Variants in USP25 observed in about 807,000 individuals in gnomAD.
The protein encoded by USP25 is ubiquitin carboxyl-terminal hydrolase 25.
A neutral mutation model predicts 158.5 loss-of-function variants in USP25; 85 were observed. The ratio of observed to expected loss-of-function variants is 0.54; its 90% CI spans 0.45 to 0.64. The LOEUF (loss-of-function observed/expected upper bound fraction) is 0.64. USP25 is among the 30% of genes least tolerant of loss of function. The probability of loss-of-function intolerance (pLI) is 0.00; values close to 1 mark genes in which losing one functional copy is unlikely to be tolerated. For missense variants in USP25, 1,242 were observed against 1,327.3 expected (o/e 0.94, Z 1.00); for synonymous variants, 464 against 460.4 (o/e 1.01, Z -0.10).
intron 3 of USP25, among the ~76,000 whole-genome samples, chr21:15,771,913 A>G (rs1168075578): frequency 2.0e-5 from 3 of 152,090 alleles, no homozygotes; most frequent in Non-Finnish European, 4.4e-5. Context: ...TTTTTTTTAA[A>G]AAAAGTATTT....
intron 2 of USP25, among the ~76,000 whole-genome samples, chr21:15,763,255 G>T (rs2033842874): frequency 6.6e-6 from 1 of 152,082 alleles, no homozygotes; most frequent in Non-Finnish European, 1.5e-5. Context: ...CTAATGGATG[G>T]TTTTACTTAC....
intron 12 of USP25, among the ~76,000 whole-genome samples, 199 bp downstream of exon 12, chr21:15,825,260 T>C (rs1026325656): frequency 6.6e-6 from 1 of 152,232 alleles, no homozygotes; most frequent in Non-Finnish European, 1.5e-5. Context: ...AAATTAAATA[T>C]CTCATTGTCA....
intron 1 of USP25, among the ~76,000 whole-genome samples, chr21:15,759,323 A>G (rs148534186): frequency 2.4e-3 from 361 of 152,336 alleles, no homozygotes; most frequent in African/African-American, 8.2e-3. Context: ...ACAAGTCTCA[A>G]TCAATTTAGA....
At chr21:15,770,362 C>G (rs943553847) in intron 3 of USP25, among the ~76,000 whole-genome samples, 1 of 152,094 alleles carries the variant, frequency 6.6e-6, no homozygotes, top group African/African-American at 2.4e-5. Context: ...TGATTAGATG[C>G]ATTTTATTAG....
chr21:15,836,367 T>G (rs1019828301), intron 17 of USP25, among the ~76,000 whole-genome samples: 2 of 152,250 alleles, frequency 1.3e-5, no homozygotes, highest in Non-Finnish European at 2.9e-5. Context: ...CCAGCACCAT[T>G]CGTTCCCTAC....
chr21:15,807,611 C>T (rs1427228014), intron 7 of USP25, among the ~76,000 whole-genome samples: 1 of 152,156 alleles, frequency 6.6e-6, no homozygotes, highest in Non-Finnish European at 1.5e-5. Flanking sequence ...GTTGGTGTTC[C>T]TTGCCTTGAG....
rs1168426801 is a variant in USP25 at position 15,831,635 on chromosome 21, A to G, written c.1993+6A>G. 1.2e-6 allele frequency: 2 copies of G among 1,607,956 alleles called. No homozygotes were observed. The highest frequency in any genetic ancestry group is 1.7e-6 in the Non-Finnish European group (2 of 1,174,968). On this transcript the variant is annotated splice_donor_region_variant and intron_variant, in intron 16 of 25. Transcript: ENST00000400183. ...GGCACAGTTCCTAATACAAGGTAAG[A>G]ATATATAGGGTGGTGTGTATTTTTA... is the stretch of plus-strand genomic sequence containing the variant.
intron 25 of USP25, 116 bp from the exon 26 acceptor site, chr21:15,878,187 T>G (rs1305391342): frequency 5.9e-6 from 8 of 1,363,144 alleles, no homozygotes; most frequent in Non-Finnish European, 6.9e-6. Context: ...TGTTTTTGTC[T>G]CCCCAAAATG....
intron 1 of USP25, among the ~76,000 whole-genome samples, chr21:15,757,129 G>C (rs1243436556): frequency 6.6e-6 from 1 of 152,084 alleles, no homozygotes; most frequent in Admixed American, 6.6e-5. Context: ...CATAATTGCA[G>C]GAAATGAAGG....
At chr21:15,790,251 C>A (rs2035520081) in intron 4 of USP25, among the ~76,000 whole-genome samples, 1 of 151,922 alleles carries the variant, frequency 6.6e-6, no homozygotes, top group South Asian at 2.1e-4. Context: ...GTAGTGCTGG[C>A]CAGTCGGGTC....
chr21:15,751,552 TA>T, intron 1 of USP25, among the ~76,000 whole-genome samples: 2 of 152,320 alleles, frequency 1.3e-5, no homozygotes, highest in African/African-American at 2.4e-5. Flanking sequence ...AAGAGAGCTA[TA>T]ATAGGAATCT....
At chr21:15,731,150 A>G (rs1308918630) in intron 1 of USP25, among the ~76,000 whole-genome samples, 4 of 152,086 alleles carry the variant, frequency 2.6e-5, no homozygotes, top group Non-Finnish European at 5.9e-5. Flanking sequence ...AAAGAAAACA[A>G]TTAAAAAACT....
intron 20 of USP25, among the ~76,000 whole-genome samples, chr21:15,855,511 T>G (rs1313770415): frequency 6.6e-6 from 1 of 152,204 alleles, no homozygotes; most frequent in East Asian, 1.9e-4. Context: ...TCCCTAAAGG[T>G]ATACGCAGGC....
intron 20 of USP25, among the ~76,000 whole-genome samples, chr21:15,859,219 G>T (rs1256973548): frequency 1.3e-5 from 2 of 150,000 alleles, no homozygotes; most frequent in Non-Finnish European, 3.0e-5. Context: ...TTGAGACGGG[G>T]TCTCGCTCTG....
chr21:15,827,761 TGTGC>T (rs1053895935), intron 14 of USP25, among the ~76,000 whole-genome samples: 16 of 123,344 alleles, frequency 1.3e-4, no homozygotes, highest in South Asian at 2.5e-4. Flanking sequence ...CTTGTGTGCG[TGTGC>T]GTGTGTGTGT....
intron 17 of USP25, among the ~76,000 whole-genome samples, chr21:15,839,120 C>G (rs937481962): frequency 6.6e-6 from 1 of 152,154 alleles, no homozygotes; most frequent in African/African-American, 2.4e-5. Context: ...GAGAACTGGT[C>G]ATTCATGGTG....
intron 4 of USP25, among the ~76,000 whole-genome samples, chr21:15,788,982 ATGT>A (rs1457970939): frequency 6.6e-6 from 1 of 151,960 alleles, no homozygotes; most frequent in Non-Finnish European, 1.5e-5. Context: ...TGCTGGGAAG[ATGT>A]TGTCTTGGTT....
chr21:15,748,526 C>G (rs75562473), intron 1 of USP25, among the ~76,000 whole-genome samples: 2,203 of 138,904 alleles, frequency 0.016, 44 homozygotes, highest in African/African-American at 0.057. Flanking sequence ...TCTTGAATTC[C>G]TGGTGTTAAG....
chr21:15,828,591 C>T (rs777210920), intron 14 of USP25, among the ~76,000 whole-genome samples: 5 of 152,188 alleles, frequency 3.3e-5, no homozygotes, highest in Non-Finnish European at 7.3e-5. Flanking sequence ...GAGGTTCCCA[C>T]TCAGGGGAGG....
Sources: gnomAD v4.1 joint callset for allele counts (sites outside exome capture counted in the v4.1 genomes callset) on GRCh38, gnomAD v4.1.1 for gene constraint, MANE v1.5 for transcripts, NCBI Gene and HGNC (gene_info 2026-07-23, HGNC 2026-07-21) for gene names.